The following NKAIN2 variants were observed in gnomAD, a reference collection of about 807,000 sequenced individuals.
NKAIN2 encodes sodium/potassium transporting ATPase interacting 2.
In NKAIN2, 14 loss-of-function variants were observed where a neutral mutation model predicts 32.6. The observed-to-expected ratio is 0.43, with a 90% confidence interval of 0.28 to 0.67. The LOEUF (loss-of-function observed/expected upper bound fraction) is 0.67. Ranked by LOEUF, NKAIN2 falls within the 30% of genes least tolerant of loss-of-function variation. NKAIN2 has a pLI of 0.17. For missense variants in NKAIN2, 198 were observed against 258.3 expected, an observed-to-expected ratio of 0.77 and a Z score of 1.60; for synonymous variants, 80 against 87.2, an observed-to-expected ratio of 0.92 and a Z score of 0.46.
At chr6:124,172,502 A>C (rs1045222650) in intron 1 of NKAIN2, among the ~76,000 whole-genome samples, 1 of 152,104 alleles carries the variant, frequency 6.6e-6, no homozygotes, top group African/African-American at 2.4e-5. Flanking sequence ...TAAACCTCAA[A>C]ATTTCCCTCT....
intron 3 of NKAIN2, among the ~76,000 whole-genome samples, chr6:124,465,468 C>G (rs1307669858): frequency 6.6e-6 from 1 of 151,884 alleles, no homozygotes; most frequent in Non-Finnish European, 1.5e-5. Flanking sequence ...ACATCACACA[C>G]TGGGGCCTGT....
At chr6:124,804,777 A>G (rs1780445269) in intron 5 of NKAIN2, among the ~76,000 whole-genome samples, 1 of 152,164 alleles carries the variant, frequency 6.6e-6, no homozygotes, top group South Asian at 2.1e-4. Flanking sequence ...GGAAAATCGG[A>G]TCACTCCCAC....
chr6:124,006,348 T>C (rs1780073774), intron 1 of NKAIN2, among the ~76,000 whole-genome samples: 1 of 152,208 alleles, frequency 6.6e-6, no homozygotes, highest in Non-Finnish European at 1.5e-5. Flanking sequence ...CTTCAATTTA[T>C]GTTTTACTGG....
intron 2 of NKAIN2, among the ~76,000 whole-genome samples, chr6:124,292,725 G>C (rs1226213307): frequency 6.6e-6 from 1 of 151,992 alleles, no homozygotes; most frequent in East Asian, 1.9e-4. Flanking sequence ...TTGCTTACAA[G>C]ATAAGAGGTT....
At chr6:124,138,582 T>C (rs1223183536) in intron 1 of NKAIN2, among the ~76,000 whole-genome samples, 3 of 146,894 alleles carry the variant, frequency 2.0e-5, no homozygotes, top group African/African-American at 7.9e-5. Flanking sequence ...AATATGAAAC[T>C]AACCTAAAAG....
chr6:124,636,321 CAAAAG>C (rs1371676974), intron 3 of NKAIN2, among the ~76,000 whole-genome samples: 1 of 151,846 alleles, frequency 6.6e-6, no homozygotes, highest in Non-Finnish European at 1.5e-5. Flanking sequence ...ATGGCTATCT[CAAAAG>C]AAGAGAAAGT....
At chr6:123,908,229 AAAT>A (rs1043157691) in intron 1 of NKAIN2, among the ~76,000 whole-genome samples, 3 of 152,204 alleles carry the variant, frequency 2.0e-5, no homozygotes, top group East Asian at 3.9e-4. Flanking sequence ...TTGACATTTA[AAAT>A]AATAATAATA....
intron 3 of NKAIN2, among the ~76,000 whole-genome samples, chr6:124,542,125 G>C (rs956050926): frequency 6.6e-6 from 1 of 151,842 alleles, no homozygotes; most frequent in Non-Finnish European, 1.5e-5. Flanking sequence ...GTACATTTAA[G>C]GTAAAAGGAA....
In NKAIN2 at chr6:123,862,600, C is replaced by T. The variant is rs187520534; in HGVS notation, c.54+58346C>T. 1.7e-3 allele frequency among the ~76,000 whole-genome samples: 258 copies of T among 152,312 alleles called. 1 individual carries two copies. The highest frequency in any genetic ancestry group is 3.4e-4 in the Non-Finnish European group (23 of 68,030). Reference sequence around the variant, plus strand: ...TCTCTCAGTTCATTCCCTACTGCTCCATAGTTTATACCCTGTGATCTAATA... The same window carrying T: ...TCTCTCAGTTCATTCCCTACTGCTCTATAGTTTATACCCTGTGATCTAATA... On this transcript the variant is annotated intron_variant, in intron 1 of 6. Coordinates refer to ENST00000368417, the MANE Select transcript of NKAIN2 (RefSeq NM_001040214.3).
chr6:124,542,189 T>C (rs1779936476), intron 3 of NKAIN2, among the ~76,000 whole-genome samples: 1 of 152,112 alleles, frequency 6.6e-6, no homozygotes, highest in Non-Finnish European at 1.5e-5. Flanking sequence ...CTGTTTATAA[T>C]TTAAATATGT....
chr6:123,947,804 T>G (rs746317350), intron 1 of NKAIN2, among the ~76,000 whole-genome samples: 1 of 152,120 alleles, frequency 6.6e-6, no homozygotes, highest in Admixed American at 6.6e-5. Context: ...TACAATAGAT[T>G]GTTGTTAACT....
intron 4 of NKAIN2, among the ~76,000 whole-genome samples, chr6:124,769,403 T>C (rs1778651297): frequency 6.6e-6 from 1 of 152,172 alleles, no homozygotes; most frequent in African/African-American, 2.4e-5. Flanking sequence ...TATGTGTTTT[T>C]GTTCCTGCAA....
intron 1 of NKAIN2, among the ~76,000 whole-genome samples, chr6:124,066,963 G>T (rs150802949): frequency 6.6e-6 from 1 of 151,788 alleles, no homozygotes; most frequent in African/African-American, 2.4e-5. Context: ...GTTTTTATTC[G>T]TCAATCTAAC....
rs72980430 is a variant in NKAIN2, at chr6:124,218,937, G to A, written c.55-64068G>A. ...ACACAGCAGGGGAGGCCTCAGGAAA[G>A]TTACAACCATGGCAGAAGGTGAAAG... On this transcript the variant is annotated intron_variant, in intron 1 of 6. Transcript: ENST00000368417. Among the ~76,000 whole-genome samples the A allele has an allele frequency of 9.6e-3, 1,464 of 152,266 alleles. 9 individuals are homozygous for A. The highest frequency in any genetic ancestry group is 0.016 in the Non-Finnish European group (1,106 of 68,002).
At chr6:124,736,484 A>G (rs1368248974) in intron 4 of NKAIN2, among the ~76,000 whole-genome samples, 2 of 151,958 alleles carry the variant, frequency 1.3e-5, no homozygotes, top group African/African-American at 2.4e-5. Context: ...TATAACTTCC[A>G]TAGCTAGACA....
chr6:124,609,053 A>C (rs2114993988), intron 3 of NKAIN2, among the ~76,000 whole-genome samples: 1 of 152,106 alleles, frequency 6.6e-6, no homozygotes, highest in East Asian at 1.9e-4. Context: ...GAGCTTGGAA[A>C]CCTCAGTGTC....
intron 1 of NKAIN2, among the ~76,000 whole-genome samples, chr6:124,151,456 T>C (rs1787718877): frequency 6.6e-6 from 1 of 152,010 alleles, no homozygotes; most frequent in Non-Finnish European, 1.5e-5. Context: ...CCAGTGTGAG[T>C]GTATGATAAA....
chr6:124,536,075 C>A (rs1370672090), intron 3 of NKAIN2, among the ~76,000 whole-genome samples: 1 of 152,178 alleles, frequency 6.6e-6, no homozygotes, highest in African/African-American at 2.4e-5. Context: ...CATCCCTGGA[C>A]TTTACAAGCA....
chr6:124,134,962 A>C (rs75381000), intron 1 of NKAIN2, among the ~76,000 whole-genome samples: 2,695 of 152,240 alleles, frequency 0.018, 66 homozygotes, highest in African/African-American at 0.05. Flanking sequence ...AGAAGTCCTA[A>C]AGTCCAGAGG....
Sources: gnomAD v4.1 joint callset for allele counts (sites outside exome capture counted in the v4.1 genomes callset) on GRCh38, gnomAD v4.1.1 for gene constraint, MANE v1.5 for transcripts, NCBI Gene and HGNC (gene_info 2026-07-23, HGNC 2026-07-21) for gene names.